The following SEMA5B variants were observed in gnomAD, a reference collection of about 807,000 sequenced individuals.
The protein encoded by SEMA5B is semaphorin 5B.
In SEMA5B, 66 loss-of-function variants were observed where a neutral mutation model predicts 135.0. The ratio of observed to expected loss-of-function variants is 0.49; its 90% CI spans 0.40 to 0.60. SEMA5B has a LOEUF of 0.60. Ranked by LOEUF, SEMA5B falls within the 20% of genes least tolerant of loss-of-function variation. SEMA5B has a pLI of 0.00. For synonymous variants in SEMA5B, 690 were observed against 639.5 expected (o/e 1.08, Z -1.19); for missense variants, 1,501 against 1,566.3 (o/e 0.96, Z 0.70).
intron 2 of SEMA5B, among the ~76,000 whole-genome samples, chr3:122,959,236 G>A (rs548810929): frequency 5.9e-5 from 9 of 152,280 alleles, no homozygotes; most frequent in South Asian, 4.1e-4. Context: ...CCCGTGAGGC[G>A]GGTATTGTAA....
chr3:122,980,460 C>CAAA (rs34995253), intron 1 of SEMA5B, among the ~76,000 whole-genome samples: 35 of 109,820 alleles, frequency 3.2e-4, no homozygotes, highest in African/African-American at 9.6e-4. Context: ...AAAGCCGTGT[C>CAAA]AAAAAAAAAA....
chr3:122,982,730 G>C (rs1169187843), intron 1 of SEMA5B, among the ~76,000 whole-genome samples: 2 of 151,812 alleles, frequency 1.3e-5, no homozygotes, highest in Admixed American at 1.3e-4. Context: ...AACACACTTA[G>C]AGTCCCATGG....
At chr3:122,923,920 T>A (rs1292005687) in intron 9 of SEMA5B, among the ~76,000 whole-genome samples, 168 bp from the exon 10 acceptor site, 1 of 152,134 alleles carries the variant, frequency 6.6e-6, no homozygotes, top group African/African-American at 2.4e-5. Flanking sequence ...CCTCACATTC[T>A]GTAAACCCCC....
At chr3:122,960,568 C>G (rs2107602484) in intron 2 of SEMA5B, among the ~76,000 whole-genome samples, 1 of 152,296 alleles carries the variant, frequency 6.6e-6, no homozygotes, top group South Asian at 2.1e-4. Context: ...GCAGAAGTAA[C>G]CCAAGTGTCC....
intron 12 of SEMA5B, among the ~76,000 whole-genome samples, chr3:122,920,820 G>T (rs767856487): frequency 4.6e-5 from 7 of 152,184 alleles, no homozygotes; most frequent in Non-Finnish European, 8.8e-5. Context: ...TTCCCACCCA[G>T]ATATCTGGAG....
At chr3:122,949,170 A>T (rs1939937169) in intron 2 of SEMA5B, among the ~76,000 whole-genome samples, 1 of 152,238 alleles carries the variant, frequency 6.6e-6, no homozygotes, top group Non-Finnish European at 1.5e-5. Flanking sequence ...GATCCTTTAT[A>T]TCTTGGCATG....
At chr3:122,923,369 T>A (rs1422402282) in intron 10 of SEMA5B, among the ~76,000 whole-genome samples, 1 of 152,242 alleles carries the variant, frequency 6.6e-6, no homozygotes, top group Non-Finnish European at 1.5e-5. Flanking sequence ...CCTGCCTCCC[T>A]GGAGGTGTGG....
intron 1 of SEMA5B, among the ~76,000 whole-genome samples, chr3:122,964,746 T>C (rs1940746465): frequency 6.6e-6 from 1 of 152,318 alleles, no homozygotes; most frequent in East Asian, 1.9e-4. Context: ...TTGAGTTCTT[T>C]AGCTTCAAAC....
intron 5 of SEMA5B, among the ~76,000 whole-genome samples, chr3:122,938,115 G>C (rs1337970778): frequency 6.6e-6 from 1 of 152,208 alleles, no homozygotes; most frequent in African/African-American, 2.4e-5. Flanking sequence ...GCCCCTCAAG[G>C]GAATCGTATG....
At chr3:122,916,223 T>C (rs1321714948) in intron 12 of SEMA5B, among the ~76,000 whole-genome samples, 2 of 152,206 alleles carry the variant, frequency 1.3e-5, no homozygotes, top group African/African-American at 4.8e-5. Flanking sequence ...TCCCCAAATA[T>C]GGGTGCCCCA....
intron 1 of SEMA5B, among the ~76,000 whole-genome samples, chr3:122,967,294 A>T (rs912025861): frequency 1.3e-5 from 2 of 152,100 alleles, no homozygotes. Flanking sequence ...GTGGTGAAGG[A>T]CCTTAGATTT....
At position 122,972,598 on chromosome 3, in the gene SEMA5B, G is replaced by A. The variant is rs77989929; in HGVS notation, c.-38-11297C>T. Among the ~76,000 whole-genome samples, 248 of 152,344 alleles carry A rather than the reference G, an allele frequency of 1.6e-3. 7 individuals are homozygous for A. In the East Asian group the frequency reaches 0.045, roughly 27 times the overall value. On this transcript the variant is annotated intron_variant, in intron 1 of 22. Transcript: ENST00000357599. The stretch of plus-strand genomic sequence containing the variant: ...ACCACTGGCTCCAGATGATCCCACA[G>A]ATGTAACTGGGCCAGCACTGGGGAG...
chr3:122,925,880 G>C (rs924983876), intron 9 of SEMA5B, among the ~76,000 whole-genome samples: 4 of 152,098 alleles, frequency 2.6e-5, no homozygotes, highest in Admixed American at 6.5e-5. Context: ...AGGGTCCCAT[G>C]ATCTGTGAGG....
At chr3:123,003,185 C>T (rs1942224657) in intron 1 of SEMA5B, among the ~76,000 whole-genome samples, 1 of 152,120 alleles carries the variant, frequency 6.6e-6, no homozygotes, top group South Asian at 2.1e-4. Flanking sequence ...TCACTACCCA[C>T]CTGGAAATCT....
At chr3:122,973,884 G>C (rs1240810799) in intron 1 of SEMA5B, among the ~76,000 whole-genome samples, 1 of 152,224 alleles carries the variant, frequency 6.6e-6, no homozygotes, top group Non-Finnish European at 1.5e-5. Context: ...CTGGAGGGCT[G>C]TGAGTCTTCT....
chr3:122,926,594 G>T lies in SEMA5B; in HGVS notation c.934C>A (p.Arg312Ser), dbSNP rs758170926. The stretch of plus-strand genomic sequence containing the variant: ...CGGGCCACGCGAGAGTACACGGTGC[G>T]TCCACAGTCGTGCTCCACTGCGTTC... ...RENAVEHDCG[R>S]TVYSRVARVC... The change falls in exon 9 of 23, where the codon CGC (arginine) becomes AGC (serine). Residue 312 changes from arginine (R) to serine (S), a missense_variant. Around this residue, in one of 2 missense-constraint regions of SEMA5B, gnomAD observed 574 missense variants for 684.7 expected, o/e 0.84. Coordinates refer to ENST00000357599, the MANE Select transcript of SEMA5B (RefSeq NM_001031702.4). 1 of 1,614,086 alleles carries T rather than the reference G, an allele frequency of 6.2e-7. No individual in the cohort carries two copies. The highest frequency in any genetic ancestry group is 1.7e-5 in the Admixed American group (1 of 60,018).
In SEMA5B at chr3:122,949,239, A is replaced by G. The variant is rs149127286; in HGVS notation, c.125-530T>C. Reference sequence around the variant, plus strand: ...AGAAAAGATAGATAAATTTGACTACATTAAAAAACAAACACCTGCACTTCC... The same window carrying G: ...AGAAAAGATAGATAAATTTGACTACGTTAAAAAACAAACACCTGCACTTCC... On this transcript the variant is annotated intron_variant, in intron 2 of 22. Coordinates refer to ENST00000357599, the MANE Select transcript of SEMA5B (RefSeq NM_001031702.4). Among the ~76,000 whole-genome samples, 399 of 152,366 alleles carry G rather than the reference A, an allele frequency of 2.6e-3. 4 individuals carry two copies. The highest frequency in any genetic ancestry group is 9.0e-3 in the African/African-American group (375 of 41,586).
At position 122,941,131 on chromosome 3, in the gene SEMA5B, G is replaced by C. The variant is rs140377870; in HGVS notation, c.429-1661C>G. On this transcript the variant is annotated intron_variant, in intron 4 of 22. Coordinates refer to ENST00000357599, the MANE Select transcript of SEMA5B (RefSeq NM_001031702.4). ...AAATTTCCCTAGCCTGAATTCCAGA[G>C]ATCCAGGGGTCAAGAAGAAGGGAAG... is the stretch of plus-strand genomic sequence containing the variant. Among the ~76,000 whole-genome samples the C allele has an allele frequency of 2.8e-3, 426 of 152,258 alleles. 3 individuals carry two copies. Among genetic ancestry groups the C allele is most frequent in the Middle Eastern group, 6.8e-3 (2 of 294 alleles).
intron 9 of SEMA5B, among the ~76,000 whole-genome samples, chr3:122,924,322 C>T (rs1306662506): frequency 6.6e-6 from 1 of 152,142 alleles, no homozygotes; most frequent in Non-Finnish European, 1.5e-5. Context: ...GAGGAAACCA[C>T]CATACCAAAC....
Sources: allele counts gnomAD v4.1 joint callset (sites outside exome capture counted in the v4.1 genomes callset), GRCh38; gene constraint gnomAD v4.1.1; regional missense constraint gnomAD v4.1.1; transcripts MANE v1.5; gene names NCBI Gene and HGNC (gene_info 2026-07-23, HGNC 2026-07-21).